LASP1: variants seen among roughly 807,000 people sequenced by gnomAD.
LASP1 encodes the protein LIM and SH3 domain protein 1.
In LASP1, 10 loss-of-function variants were observed where a neutral mutation model predicts 38.6. That is an observed-to-expected ratio of 0.26 (90% confidence interval 0.16 to 0.44). LASP1 has a LOEUF of 0.44. LASP1 is among the 20% of genes least tolerant of loss of function. The pLI, the probability that LASP1 is intolerant of heterozygous loss-of-function variation, is 1.00. For missense variants in LASP1, 243 were observed against 375.7 expected (o/e 0.65, Z 2.92); for synonymous variants, 132 against 140.8 (o/e 0.94, Z 0.44).
At chr17:38,909,618 AG>A (rs1351556526) in intron 4 of LASP1, among the ~76,000 whole-genome samples, 10 of 152,066 alleles carry the variant, frequency 6.6e-5, no homozygotes, top group African/African-American at 2.2e-4. Flanking sequence ...AAAAAAAAAA[AG>A]AAAGAAAAGT....
intron 2 of LASP1, among the ~76,000 whole-genome samples, chr17:38,880,679 C>T (rs534123556): frequency 1.3e-4 from 20 of 152,334 alleles, no homozygotes; most frequent in South Asian, 2.1e-4. Flanking sequence ...CCAAGGCAGT[C>T]ATTCTCCCTC....
intron 4 of LASP1, among the ~76,000 whole-genome samples, chr17:38,901,401 C>A (rs1914638105): frequency 6.6e-6 from 1 of 152,218 alleles, no homozygotes; most frequent in Admixed American, 6.5e-5. Flanking sequence ...GGGATCGACC[C>A]CGACCTGCTA....
intron 2 of LASP1, among the ~76,000 whole-genome samples, chr17:38,888,598 A>G (rs547941338): frequency 1.3e-5 from 2 of 152,258 alleles, no homozygotes; most frequent in African/African-American, 4.8e-5. Flanking sequence ...TTATTCAACA[A>G]ATATTTACTG....
intron 1 of LASP1, chr17:38,874,185 A>T (rs1913690015): frequency 6.6e-6 from 1 of 152,544 alleles, no homozygotes; most frequent in African/African-American, 2.4e-5. Flanking sequence ...GCAGAGGTGC[A>T]TGCCTCGAGG....
chr17:38,889,247 C>T (rs777504315), intron 2 of LASP1, among the ~76,000 whole-genome samples: 17 of 152,198 alleles, frequency 1.1e-4, no homozygotes, highest in Non-Finnish European at 2.1e-4. Context: ...TCTCCTGCCT[C>T]AGCCTCCTGA....
intron 1 of LASP1, among the ~76,000 whole-genome samples, chr17:38,872,924 G>C (rs1380885352): frequency 6.6e-6 from 1 of 152,162 alleles, no homozygotes. Context: ...AATATGTATT[G>C]CTGATGACAG....
At chr17:38,883,951 G>A (rs987432090) in intron 2 of LASP1, among the ~76,000 whole-genome samples, 18 of 151,536 alleles carry the variant, frequency 1.2e-4, no homozygotes, top group Non-Finnish European at 2.2e-4. Context: ...CTCCCTTCCC[G>A]CCTGTGGGCA....
chr17:38,908,309 T>A (rs1914827806), intron 4 of LASP1, among the ~76,000 whole-genome samples: 1 of 152,202 alleles, frequency 6.6e-6, no homozygotes. Context: ...AGCTGACCTT[T>A]CCCACCTCAG....
intron 4 of LASP1, among the ~76,000 whole-genome samples, chr17:38,913,419 C>T (rs1382502585): frequency 3.3e-5 from 5 of 152,170 alleles, no homozygotes; most frequent in African/African-American, 1.2e-4. Flanking sequence ...GTAGTACCCA[C>T]GACATCTTGC....
At chr17:38,915,711 G>A (rs1177358253) in intron 6 of LASP1, 1 of 152,308 alleles carries the variant, frequency 6.6e-6, no homozygotes, top group Non-Finnish European at 1.5e-5. Context: ...TCTGAGCCAG[G>A]CCTAGAGCAA....
chr17:38,900,380 C>CAAAAAAA lies in LASP1; in HGVS notation c.357+1866_357+1872dup, dbSNP rs55996334. Among the ~76,000 whole-genome samples, 40 of 113,564 alleles carry CAAAAAAA rather than the reference C, an allele frequency of 3.5e-4. 5 individuals carry two copies. Among genetic ancestry groups the CAAAAAAA allele is most frequent in the East Asian group, 4.5e-4 (2 of 4,432 alleles). 74.5% of individuals were successfully genotyped at this position (113,564 alleles called of 152,430 possible). On this transcript the variant is annotated intron_variant, in intron 4 of 6. Transcript: ENST00000318008. ...GGGAAACCGAGTGAGACCCTGTTTC[C>CAAAAAAA]AAAAAAAAAAAGGACCAGGCGCGGT...
chr17:38,898,452 G>C lies in LASP1; in HGVS notation c.290G>C (p.Gly97Ala). 1.4e-5 allele frequency: 22 copies of C among 1,551,634 alleles called. No individual in the cohort carries two copies. The highest frequency in any genetic ancestry group is 1.8e-5 in the Non-Finnish European group (21 of 1,146,928). The change falls in exon 4 of 7, where the codon GGT becomes GCT. Residue 97 changes from glycine to alanine, a missense_variant. Coordinates refer to ENST00000318008, the MANE Select transcript of LASP1 (RefSeq NM_006148.4). ...GAGTTTGAGAAGAACAAGGGCAAAGGTTTCAGCGTAGTGGCAGACACGCCC... is the reference window on the plus strand; with the variant it reads ...GAGTTTGAGAAGAACAAGGGCAAAGCTTTCAGCGTAGTGGCAGACACGCCC... ...KEEFEKNKGK[G>A]FSVVADTPEL...
rs8067744 is a variant in LASP1 at position 38,921,081 on chromosome 17, C to T, written c.*2303C>T. The stretch of plus-strand genomic sequence containing the variant: ...TAGGGGCCGTTTTCTTACACACCCC[C>T]AGAGAGAGGAGGGACTGTCACACTG... On this transcript the variant is annotated 3_prime_UTR_variant, in exon 7 of 7. Coordinates refer to ENST00000318008, the MANE Select transcript of LASP1 (RefSeq NM_006148.4). 1.3e-3 allele frequency: 304 copies of T among 230,406 alleles called. 2 individuals carry two copies. The highest frequency in any genetic ancestry group is 6.6e-3 in the African/African-American group (299 of 45,228). 14.3% of individuals were successfully genotyped at this position (230,406 alleles called of 1,614,324 possible).
rs2049872614 is a variant in LASP1 at position 38,921,665 on chromosome 17, C to T, written c.*2887C>T. 2 of 231,906 alleles carry T rather than the reference C, an allele frequency of 8.6e-6. No individual in the cohort carries two copies. The highest frequency in any genetic ancestry group is 8.5e-6 in the Non-Finnish European group (1 of 117,324). 14.4% of individuals were successfully genotyped at this position (231,906 alleles called of 1,614,324 possible). ...GTCCCCTCCCTCGTGGGCTTGTGCTCGGGATCAAACCTTTCTGGCCTGTTA... is the reference window on the plus strand; with the variant it reads ...GTCCCCTCCCTCGTGGGCTTGTGCTTGGGATCAAACCTTTCTGGCCTGTTA... On this transcript the variant is annotated 3_prime_UTR_variant, in exon 7 of 7. Coordinates refer to ENST00000318008, the MANE Select transcript of LASP1 (RefSeq NM_006148.4).
intron 4 of LASP1, among the ~76,000 whole-genome samples, chr17:38,907,450 A>G (rs895294135): frequency 8.5e-5 from 13 of 152,168 alleles, no homozygotes; most frequent in Admixed American, 3.3e-4. Context: ...TCTAGCTGTG[A>G]TTTTGTCCTT....
At chr17:38,887,279 A>G (rs1242747004) in intron 2 of LASP1, among the ~76,000 whole-genome samples, 1 of 152,076 alleles carries the variant, frequency 6.6e-6, no homozygotes, top group Non-Finnish European at 1.5e-5. Flanking sequence ...GCCCCTGCCC[A>G]TACAGTCTGC....
chr17:38,914,214 T>C (rs1009785082), intron 4 of LASP1, 111 bp from the exon 5 acceptor site: 7 of 1,301,328 alleles, frequency 5.4e-6, no homozygotes, highest in Admixed American at 2.2e-5. Flanking sequence ...CCTGGCTTTC[T>C]GTACCCAAAG....
At chr17:38,896,822 G>A (rs540593586) in intron 3 of LASP1, 55 of 752,240 alleles carry the variant, frequency 7.3e-5, no homozygotes, top group Admixed American at 1.9e-4. Context: ...TGCTAGCTCC[G>A]CCTGGCTTTG....
chr17:38,893,431 TC>T (rs113991581), intron 3 of LASP1, among the ~76,000 whole-genome samples: 45 of 152,164 alleles, frequency 3.0e-4, no homozygotes, highest in African/African-American at 1.1e-3. Context: ...TAGAGATGGG[TC>T]CATGGGCAGG....
Sources: allele counts gnomAD v4.1 joint callset (sites outside exome capture counted in the v4.1 genomes callset), GRCh38; gene constraint gnomAD v4.1.1; transcripts MANE v1.5; gene names NCBI Gene and HGNC (gene_info 2026-07-23, HGNC 2026-07-21).